Variants in LPAR1 observed in about 807,000 individuals in gnomAD.
The protein encoded by LPAR1 is LPA receptor 1.
A neutral mutation model predicts 23.8 loss-of-function variants in LPAR1; 5 were observed. The observed-to-expected ratio is 0.21, with a 90% CI of 0.11 to 0.44. LPAR1 has a LOEUF of 0.44. Among genes scored for constraint, LPAR1 ranks in the 20% least tolerant of loss-of-function variants. The pLI, the probability that LPAR1 is intolerant of heterozygous loss-of-function variation, is 0.99. For missense variants in LPAR1, 311 were observed against 482.8 expected (o/e 0.64, Z 3.33); for synonymous variants, 160 against 164.7 (o/e 0.97, Z 0.22).
intron 2 of LPAR1, among the ~76,000 whole-genome samples, chr9:110,997,635 C>G (rs2097042679): frequency 6.6e-6 from 1 of 152,122 alleles, no homozygotes; most frequent in South Asian, 2.1e-4. Context: ...TTAGTAGAAA[C>G]TAGACATCTG....
chr9:110,935,580 C>T (rs115511402), intron 5 of LPAR1, among the ~76,000 whole-genome samples: 18 of 152,098 alleles, frequency 1.2e-4, no homozygotes, highest in Non-Finnish European at 1.6e-4. Context: ...CTTGAGCTCA[C>T]GAGTTCAACA....
At chr9:110,962,408 G>A (rs1478483147) in intron 4 of LPAR1, among the ~76,000 whole-genome samples, 1 of 152,126 alleles carries the variant, frequency 6.6e-6, no homozygotes, top group Non-Finnish European at 1.5e-5. Context: ...CCTGAGAGCT[G>A]GGGCCTACAC....
Position 111,017,415 on chromosome 9 carries a change from A to C in LPAR1, c.-182+18707T>G, listed in dbSNP as rs566451910. Reference sequence around the variant, plus strand: ...ATGAGATATCAAATTTAATTGGATTACATGTGACTACTTCCAGTAATGGGT... The same window carrying C: ...ATGAGATATCAAATTTAATTGGATTCCATGTGACTACTTCCAGTAATGGGT... On this transcript the variant is annotated intron_variant, in intron 2 of 5. Coordinates refer to ENST00000683809, the MANE Select transcript of LPAR1 (RefSeq NM_001351411.2). 9.2e-5 allele frequency among the ~76,000 whole-genome samples: 14 copies of C among 152,330 alleles called. No individual in the cohort carries two copies. In the East Asian group the frequency reaches 2.7e-3, roughly 29 times the overall value.
intron 5 of LPAR1, among the ~76,000 whole-genome samples, chr9:110,938,472 G>A (rs1342833352): frequency 2.6e-5 from 4 of 152,138 alleles, no homozygotes; most frequent in Admixed American, 6.6e-5. Flanking sequence ...CAATGGCAAT[G>A]ACTTGGAAGT....
At chr9:110,909,728 A>ATTTATTTAT (rs1564437572) in intron 5 of LPAR1, among the ~76,000 whole-genome samples, 1 of 112,656 alleles carries the variant, frequency 8.9e-6, no homozygotes, top group African/African-American at 4.0e-5. Flanking sequence ...TATTAAATAA[A>ATTTATTTAT]GTATTTATTT....
intron 2 of LPAR1, among the ~76,000 whole-genome samples, chr9:111,016,485 G>A (rs2097449191): frequency 6.6e-6 from 1 of 152,108 alleles, no homozygotes; most frequent in Non-Finnish European, 1.5e-5. Context: ...TCTGGCCAAA[G>A]GCATCAACTG....
At chr9:110,890,186 A>ATGG (rs999142282) in intron 5 of LPAR1, among the ~76,000 whole-genome samples, 88 of 152,312 alleles carry the variant, frequency 5.8e-4, no homozygotes, top group African/African-American at 1.9e-3. Context: ...ATTTGAAAAA[A>ATGG]TGGCTAAAAT....
At chr9:110,989,688 A>C (rs1347196118) in intron 2 of LPAR1, among the ~76,000 whole-genome samples, 2 of 152,192 alleles carry the variant, frequency 1.3e-5, no homozygotes, top group African/African-American at 4.8e-5. Context: ...AAATAGAACA[A>C]ATGTGACAAT....
intron 2 of LPAR1, among the ~76,000 whole-genome samples, chr9:110,981,253 T>TC (rs1487023350): frequency 1.3e-5 from 2 of 152,088 alleles, no homozygotes; most frequent in East Asian, 3.8e-4. Flanking sequence ...AGAGAGGCAG[T>TC]GCTGCATAGT....
intron 5 of LPAR1, among the ~76,000 whole-genome samples, chr9:110,915,299 A>G (rs187853862): frequency 1.0e-3 from 154 of 152,240 alleles, no homozygotes; most frequent in African/African-American, 3.0e-3. Context: ...CACTTTGGGA[A>G]GCTGAGGCAG....
chr9:110,937,081 A>G (rs932464772), intron 5 of LPAR1, among the ~76,000 whole-genome samples: 6 of 152,334 alleles, frequency 3.9e-5, no homozygotes, highest in Non-Finnish European at 5.9e-5. Context: ...TCCTCCCTCA[A>G]TCAGAAGCCA....
intron 5 of LPAR1, among the ~76,000 whole-genome samples, chr9:110,919,405 C>T (rs1448718736): frequency 1.3e-5 from 2 of 152,156 alleles, no homozygotes; most frequent in African/African-American, 4.8e-5. Context: ...GGTACGCAGA[C>T]TTCAGCTTGT....
At chr9:110,943,333 A>G (rs1028547855) in intron 4 of LPAR1, among the ~76,000 whole-genome samples, 2 of 151,808 alleles carry the variant, frequency 1.3e-5, no homozygotes, top group Non-Finnish European at 2.9e-5. Flanking sequence ...ATTACCCAAA[A>G]CATATGACAC....
At chr9:110,943,489 T>G (rs114736023) in intron 4 of LPAR1, among the ~76,000 whole-genome samples, 1 of 152,190 alleles carries the variant, frequency 6.6e-6, no homozygotes, top group Middle Eastern at 3.2e-3. Flanking sequence ...TAGACTTTAA[T>G]AGCTTTTAGA....
chr9:110,970,555 G>C (rs1347467073), intron 4 of LPAR1, among the ~76,000 whole-genome samples: 2 of 151,034 alleles, frequency 1.3e-5, no homozygotes, highest in African/African-American at 2.4e-5. Flanking sequence ...TATGAATAAA[G>C]GGCTTTATTC....
chr9:111,000,055 G>A lies in LPAR1; in HGVS notation c.-181-26497C>T, dbSNP rs537097279. Among the ~76,000 whole-genome samples, 7 of 152,192 alleles carry A rather than the reference G, an allele frequency of 4.6e-5. No individual in the cohort carries two copies. The East Asian group carries it at 5.8e-4, about 13-fold the overall frequency. ...GGCCCCTAATCTCATTCATGAGGGC[G>A]GAGCCCTTATGACCTAATCACCTCC... On this transcript the variant is annotated intron_variant, in intron 2 of 5. Coordinates refer to ENST00000683809, the MANE Select transcript of LPAR1 (RefSeq NM_001351411.2).
At chr9:110,962,291 T>A (rs930821060) in intron 4 of LPAR1, among the ~76,000 whole-genome samples, 1 of 152,214 alleles carries the variant, frequency 6.6e-6, no homozygotes, top group African/African-American at 2.4e-5. Context: ...GCCATTGAGC[T>A]GGGATGCTTC....
chr9:110,888,686 G>GGAAGAGCAAGTGTGGATACAA (rs1262102753), intron 5 of LPAR1, among the ~76,000 whole-genome samples: 2 of 152,120 alleles, frequency 1.3e-5, no homozygotes, highest in East Asian at 3.9e-4. Flanking sequence ...TGGAGACTCT[G>GGAAGAGCAAGTGTGGATACAA]GAAGAGCAAG....
At chr9:110,930,984 T>A (rs2094378679) in intron 5 of LPAR1, among the ~76,000 whole-genome samples, 1 of 152,182 alleles carries the variant, frequency 6.6e-6, no homozygotes, top group Non-Finnish European at 1.5e-5. Context: ...GTAAATATTG[T>A]CTGACAATTC....
Sources: allele counts gnomAD v4.1 joint callset (sites outside exome capture counted in the v4.1 genomes callset), GRCh38; gene constraint gnomAD v4.1.1; transcripts MANE v1.5; gene names NCBI Gene and HGNC (gene_info 2026-07-23, HGNC 2026-07-21).